MCC: variants seen among roughly 807,000 people sequenced by gnomAD.
MCC encodes the protein colorectal mutant cancer protein.
In MCC, 90 loss-of-function variants were observed where a neutral mutation model predicts 116.2. That is an observed-to-expected ratio of 0.77 (90% CI 0.65 to 0.92). The LOEUF (loss-of-function observed/expected upper bound fraction) is 0.92. Among genes scored for constraint, MCC ranks in the 40% least tolerant of loss-of-function variants. The pLI, the probability that MCC is intolerant of heterozygous loss-of-function variation, is 0.00. For missense variants in MCC, 1,516 were observed against 1,312.2 expected, an observed-to-expected ratio of 1.16 and a Z score of -2.40; for synonymous variants, 578 against 510.5, an observed-to-expected ratio of 1.13 and a Z score of -1.78.
chr5:113,333,026 A>G (rs1341540299), intron 3 of MCC, among the ~76,000 whole-genome samples: 1 of 151,722 alleles, frequency 6.6e-6, no homozygotes, highest in Non-Finnish European at 1.5e-5. Context: ...GACTGTGGGA[A>G]CTGAAAAGTG....
At chr5:113,085,762 G>A (rs1468848003) in intron 8 of MCC, among the ~76,000 whole-genome samples, 2 of 152,118 alleles carry the variant, frequency 1.3e-5, no homozygotes, top group African/African-American at 4.8e-5. Context: ...TGCAACCATG[G>A]CTCACTGCAG....
intron 8 of MCC, among the ~76,000 whole-genome samples, chr5:113,096,609 C>T (rs2150251457): frequency 6.6e-6 from 1 of 152,308 alleles, no homozygotes; most frequent in South Asian, 2.1e-4. Flanking sequence ...AAGCCATCTG[C>T]CTAGTTCTGG....
intron 13 of MCC, among the ~76,000 whole-genome samples, chr5:113,067,720 G>A (rs1222484007): frequency 2.6e-5 from 4 of 152,238 alleles, no homozygotes. Flanking sequence ...TGAAGTGAAG[G>A]CCATGTGGCG....
chr5:113,421,051 T>C (rs1292206935), intron 1 of MCC, among the ~76,000 whole-genome samples: 1 of 151,316 alleles, frequency 6.6e-6, no homozygotes, highest in Non-Finnish European at 1.5e-5. Flanking sequence ...TGAGATGGAG[T>C]CTCACTCTGT....
At chr5:113,426,653 T>C (rs1279660214) in intron 1 of MCC, among the ~76,000 whole-genome samples, 6 of 152,156 alleles carry the variant, frequency 3.9e-5, no homozygotes, top group East Asian at 1.9e-4. Context: ...ATTCTAAGAA[T>C]GGCAAAATGT....
chr5:113,460,600 C>A (rs1403402187), intron 1 of MCC, among the ~76,000 whole-genome samples: 1 of 152,174 alleles, frequency 6.6e-6, no homozygotes, highest in Admixed American at 6.5e-5. Flanking sequence ...CCCCTAACAG[C>A]CCCACGCTGT....
intron 3 of MCC, among the ~76,000 whole-genome samples, chr5:113,303,408 T>C: frequency 6.6e-6 from 1 of 152,166 alleles, no homozygotes; most frequent in Admixed American, 6.5e-5. Context: ...TTTCTGTAAA[T>C]AGAATCATAA....
chr5:113,442,142 TC>T (rs1771059961), intron 1 of MCC, among the ~76,000 whole-genome samples: 1 of 152,230 alleles, frequency 6.6e-6, no homozygotes, highest in Non-Finnish European at 1.5e-5. Context: ...TTTCTATTTC[TC>T]CACATCCTCT....
At chr5:113,295,553 C>A (rs1357646416) in intron 3 of MCC, among the ~76,000 whole-genome samples, 2 of 152,118 alleles carry the variant, frequency 1.3e-5, no homozygotes, top group African/African-American at 4.8e-5. Flanking sequence ...GCTCCCCAAC[C>A]CCCAGACCTT....
intron 2 of MCC, among the ~76,000 whole-genome samples, chr5:113,379,496 C>T (rs978190452): frequency 6.6e-6 from 1 of 152,156 alleles, no homozygotes. Flanking sequence ...AAACTTAAAG[C>T]TCAGAACAAT....
intron 3 of MCC, among the ~76,000 whole-genome samples, chr5:113,277,961 CT>C (rs1442253998): frequency 6.6e-6 from 1 of 152,160 alleles, no homozygotes; most frequent in African/African-American, 2.4e-5. Context: ...ATGCCCAAAT[CT>C]AGACTCATCA....
intron 3 of MCC, among the ~76,000 whole-genome samples, chr5:113,187,631 T>C (rs920871815): frequency 1.3e-5 from 2 of 151,792 alleles, no homozygotes; most frequent in Non-Finnish European, 1.5e-5. Flanking sequence ...GGTGGGTGCC[T>C]GTAGTCCCAG....
chr5:113,248,804 C>G (rs1269244340), intron 3 of MCC, among the ~76,000 whole-genome samples: 1 of 151,708 alleles, frequency 6.6e-6, no homozygotes, highest in Non-Finnish European at 1.5e-5. Flanking sequence ...AGTGCACATG[C>G]TGCATGTGCT....
At chr5:113,339,123 G>A (rs1276738114) in intron 3 of MCC, among the ~76,000 whole-genome samples, 2 of 151,804 alleles carry the variant, frequency 1.3e-5, no homozygotes, top group African/African-American at 4.8e-5. Flanking sequence ...CTACTTGAGA[G>A]GCTGAGACAG....
intron 3 of MCC, among the ~76,000 whole-genome samples, chr5:113,310,382 C>A (rs1234701002): frequency 6.6e-6 from 1 of 152,190 alleles, no homozygotes; most frequent in Non-Finnish European, 1.5e-5. Context: ...ACCAATCCTT[C>A]TAGCGCCTTG....
intron 5 of MCC, among the ~76,000 whole-genome samples, chr5:113,132,892 G>T (rs1230570505): frequency 6.6e-6 from 1 of 152,166 alleles, no homozygotes; most frequent in East Asian, 1.9e-4. Context: ...GTGTCCCAAA[G>T]GGCTAAACAG....
intron 1 of MCC, among the ~76,000 whole-genome samples, chr5:113,448,615 G>C (rs1467503571): frequency 6.8e-6 from 1 of 148,060 alleles, no homozygotes; most frequent in Non-Finnish European, 1.5e-5. Context: ...CTTCGGTTGT[G>C]ACAAATACAC....
intron 6 of MCC, among the ~76,000 whole-genome samples, chr5:113,112,697 T>C (rs1203077817): frequency 6.6e-6 from 1 of 152,246 alleles, no homozygotes; most frequent in Non-Finnish European, 1.5e-5. Flanking sequence ...ATTTCATTCA[T>C]TCAACAGTGT....
chr5:113,373,356 G>A (rs771127089), intron 2 of MCC, among the ~76,000 whole-genome samples: 12 of 151,552 alleles, frequency 7.9e-5, no homozygotes, highest in Non-Finnish European at 1.6e-4. Context: ...AAATAATAAA[G>A]TTTGCACTAA....
Sources: allele counts gnomAD v4.1 joint callset (sites outside exome capture counted in the v4.1 genomes callset), GRCh38; gene constraint gnomAD v4.1.1; transcripts MANE v1.5; gene names NCBI Gene and HGNC (gene_info 2026-07-23, HGNC 2026-07-21).